Variants in NTN1 observed in about 807,000 individuals in gnomAD.
NTN1 encodes the protein netrin-1.
In NTN1, 11 loss-of-function variants were observed where a neutral mutation model predicts 54.2. That is an observed-to-expected ratio of 0.20 (90% CI 0.13 to 0.34). The LOEUF (loss-of-function observed/expected upper bound fraction) is 0.34, where lower values mean the gene tolerates loss of function less well. Among genes scored for constraint, NTN1 ranks in the 10% least tolerant of loss-of-function variants. NTN1 has a pLI of 1.00. For synonymous variants in NTN1, 371 were observed against 382.0 expected (o/e 0.97, Z 0.33); for missense variants, 740 against 893.1 (o/e 0.83, Z 2.18).
At chr17:9,115,677 C>A (rs993164428) in intron 2 of NTN1, among the ~76,000 whole-genome samples, 38 of 152,394 alleles carry the variant, frequency 2.5e-4, no homozygotes, top group African/African-American at 8.4e-4. Context: ...CATCCTTCCC[C>A]CCCGGGGCGG....
chr17:9,238,136 A>G (rs1906055563), intron 6 of NTN1, among the ~76,000 whole-genome samples: 1 of 152,096 alleles, frequency 6.6e-6, no homozygotes, highest in South Asian at 2.1e-4. Context: ...AGTGGCCCCC[A>G]GAGACGTTGA....
At chr17:9,142,668 T>A (rs990513202) in intron 2 of NTN1, among the ~76,000 whole-genome samples, 1 of 152,118 alleles carries the variant, frequency 6.6e-6, no homozygotes, top group East Asian at 1.9e-4. Flanking sequence ...TTAATAGATA[T>A]CACCGTGTAC....
chr17:9,121,338 A>G (rs558297331), intron 2 of NTN1, among the ~76,000 whole-genome samples: 18 of 152,070 alleles, frequency 1.2e-4, no homozygotes, highest in Non-Finnish European at 2.5e-4. Flanking sequence ...GTGCGGGGGT[A>G]GCTGATTTTT....
intron 2 of NTN1, among the ~76,000 whole-genome samples, chr17:9,114,156 AAAAAAAAAAAATAT>A (rs2092201996): frequency 1.1e-5 from 1 of 87,266 alleles, no homozygotes; most frequent in Non-Finnish European, 2.5e-5. Context: ...AAAAAAAGAA[AAAAAAAAAAAATAT>A]ATATATATAT....
At chr17:9,159,787 C>T (rs1433292684) in intron 2 of NTN1, among the ~76,000 whole-genome samples, 5 of 151,730 alleles carry the variant, frequency 3.3e-5, no homozygotes, top group Admixed American at 1.3e-4. Flanking sequence ...GGCTACAGAA[C>T]GAGACTCCAT....
At chr17:9,203,124 T>C (rs1018352830) in intron 5 of NTN1, among the ~76,000 whole-genome samples, 18 of 151,982 alleles carry the variant, frequency 1.2e-4, no homozygotes, top group African/African-American at 4.4e-4. Context: ...GGTTTCACCA[T>C]GTTAGCCAGG....
rs185984792 is a variant in NTN1, at chr17:9,102,344, G to A, written c.1019-60469G>A. ...GGAGCAAACATGTCCTTCACATGGC[G>A]GCAGGAAGAAGAATGAGTGCTTAGT... On this transcript the variant is annotated intron_variant, in intron 2 of 6. Transcript: ENST00000173229. Among the ~76,000 whole-genome samples, 779 of 152,234 alleles carry A rather than the reference G, an allele frequency of 5.1e-3. 2 individuals are homozygous for A. Among genetic ancestry groups the A allele is most frequent in the Non-Finnish European group, 8.4e-3 (569 of 68,024 alleles).
intron 5 of NTN1, among the ~76,000 whole-genome samples, chr17:9,213,329 G>T (rs1160312870): frequency 6.6e-6 from 1 of 152,172 alleles, no homozygotes; most frequent in Non-Finnish European, 1.5e-5. Context: ...GGGCAGCCCT[G>T]GTGCAGGACC....
chr17:9,223,076 C>A (rs2142358583), intron 6 of NTN1, among the ~76,000 whole-genome samples: 1 of 152,282 alleles, frequency 6.6e-6, no homozygotes, highest in East Asian at 1.9e-4. Flanking sequence ...AGTTCAAGGC[C>A]CTTCAGGGGT....
intron 5 of NTN1, among the ~76,000 whole-genome samples, chr17:9,207,424 AT>A (rs996364354): frequency 6.6e-6 from 1 of 152,190 alleles, no homozygotes; most frequent in Non-Finnish European, 1.5e-5. Flanking sequence ...GAGAGCCAAC[AT>A]TTTTTAGTGC....
intron 6 of NTN1, among the ~76,000 whole-genome samples, chr17:9,231,985 C>T (rs1299813969): frequency 6.6e-6 from 1 of 152,124 alleles, no homozygotes; most frequent in East Asian, 1.9e-4. Flanking sequence ...CAGCCCTCAC[C>T]GATGCCTTTG....
the NTN1 span, among the ~76,000 whole-genome samples, chr17:9,008,818 C>A: frequency 3.9e-5 from 6 of 152,164 alleles, no homozygotes; most frequent in Admixed American, 1.3e-4. Flanking sequence ...CCCAGCATCA[C>A]GGAGATGTTA....
intron 2 of NTN1, among the ~76,000 whole-genome samples, chr17:9,064,141 G>GA (rs1270594566): frequency 1.3e-5 from 2 of 152,130 alleles, no homozygotes; most frequent in Non-Finnish European, 2.9e-5. Flanking sequence ...ATTCCATGGG[G>GA]AGGAAAGTGA....
At position 9,103,759 on chromosome 17, in the gene NTN1, T is replaced by C. The variant is rs143232507; in HGVS notation, c.1019-59054T>C. Among the ~76,000 whole-genome samples the C allele has an allele frequency of 2.6e-3, 394 of 152,190 alleles. 2 individuals carry two copies. The highest frequency in any genetic ancestry group is 9.2e-3 in the African/African-American group (382 of 41,514). ...CTACAACTTGGATAAACCTTGAAGCTGTTATGCTTGGTGAAAAAAGCTAGA... is the reference window on the plus strand; with the variant it reads ...CTACAACTTGGATAAACCTTGAAGCCGTTATGCTTGGTGAAAAAAGCTAGA... On this transcript the variant is annotated intron_variant, in intron 2 of 6. Coordinates refer to ENST00000173229, the MANE Select transcript of NTN1 (RefSeq NM_004822.3).
intron 2 of NTN1, among the ~76,000 whole-genome samples, chr17:9,110,969 CTG>C: frequency 8.1e-6 from 1 of 123,552 alleles, no homozygotes; most frequent in Admixed American, 1.0e-4. Flanking sequence ...GAGTCTTACT[CTG>C]TTGCTCAGGC....
intron 5 of NTN1, among the ~76,000 whole-genome samples, chr17:9,202,343 C>T (rs1027693784): frequency 6.6e-6 from 1 of 152,178 alleles, no homozygotes; most frequent in East Asian, 1.9e-4. Context: ...ATCCACTGGC[C>T]TCTTGATGCC....
At chr17:9,072,903 T>C (rs547819432) in intron 2 of NTN1, among the ~76,000 whole-genome samples, 138 of 152,298 alleles carry the variant, frequency 9.1e-4, no homozygotes, top group African/African-American at 3.3e-3. Flanking sequence ...TTTCTGGCAA[T>C]CCGGAATGGG....
chr17:9,113,258 G>C (rs989022214), intron 2 of NTN1, among the ~76,000 whole-genome samples: 13 of 151,786 alleles, frequency 8.6e-5, no homozygotes, highest in Admixed American at 7.2e-4. Context: ...TCCTGACCTC[G>C]TGATCCACCC....
chr17:9,046,281 A>T (rs2091941171), intron 2 of NTN1, among the ~76,000 whole-genome samples: 1 of 152,238 alleles, frequency 6.6e-6, no homozygotes, highest in African/African-American at 2.4e-5. Context: ...GCCAGTAAGC[A>T]CATTAAAAGA....
Sources: allele counts gnomAD v4.1 joint callset (sites outside exome capture counted in the v4.1 genomes callset), GRCh38; gene constraint gnomAD v4.1.1; transcripts MANE v1.5; gene names NCBI Gene and HGNC (gene_info 2026-07-23, HGNC 2026-07-21).